ARMC10: variants seen among roughly 807,000 people sequenced by gnomAD.
ARMC10 encodes armadillo repeat containing 10.
In ARMC10, 23 loss-of-function variants were observed where a neutral mutation model predicts 30.2. The observed-to-expected ratio is 0.76, with a 90% CI of 0.55 to 1.08. The LOEUF (loss-of-function observed/expected upper bound fraction) is 1.08. Among genes scored for constraint, ARMC10 ranks in the 50% least tolerant of loss-of-function variants. The probability of loss-of-function intolerance (pLI) is 0.00; values close to 1 mark genes in which losing one functional copy is unlikely to be tolerated. For missense variants in ARMC10, 303 were observed against 413.7 expected, an observed-to-expected ratio of 0.73 and a Z score of 2.32; for synonymous variants, 111 against 164.4, an observed-to-expected ratio of 0.68 and a Z score of 2.48.
At chr7:103,092,729 C>A in intron 5 of ARMC10, 76 bp downstream of exon 5, 1 of 1,082,336 alleles carries the variant, frequency 9.2e-7, no homozygotes, top group Non-Finnish European at 1.3e-6. Flanking sequence ...GTTGATGTGC[C>A]TCAAAGAGGA....
intron 6 of ARMC10, 33 bp downstream of exon 6, chr7:103,097,381 A>G: frequency 7.2e-7 from 1 of 1,393,794 alleles, no homozygotes; most frequent in Non-Finnish European, 1.0e-6. Flanking sequence ...TTGTAAATAT[A>G]CACATATATA....
intron 2 of ARMC10, among the ~76,000 whole-genome samples, chr7:103,080,114 A>G (rs1800245027): frequency 6.6e-6 from 1 of 152,240 alleles, no homozygotes; most frequent in Admixed American, 6.5e-5. Context: ...AAAGTAGAAC[A>G]CATGTTTGAC....
At chr7:103,098,175 TAAATGTGAATTTAAAAATTTTA>T in intron 6 of ARMC10, 102 bp from the exon 7 acceptor site, 2 of 1,086,020 alleles carry the variant, frequency 1.8e-6, no homozygotes, top group Non-Finnish European at 2.4e-6. Flanking sequence ...AGATACATTT[TAAATGTGAATTTAAAAATTTTA>T]AAATGTGAGT....
Position 103,097,168 on chromosome 7 carries a change from G to T in ARMC10, c.706-109G>T, listed in dbSNP as rs878991355. The T allele has an allele frequency of 1.7e-5, 15 of 894,524 alleles. No individual in the cohort carries two copies. In the Admixed American group the frequency reaches 2.6e-4, roughly 15 times the overall value. The allele number at this position is 894,524 out of a possible 1,614,324, so 55.4% of individuals were successfully genotyped here. ...AGTAGAGAGAATTTGAGCCAGGCCTGGAAGCTTAGGCAGGACTTTAACAGG... is the reference window on the plus strand; with the variant it reads ...AGTAGAGAGAATTTGAGCCAGGCCTTGAAGCTTAGGCAGGACTTTAACAGG... On this transcript the variant is annotated intron_variant, in intron 5 of 6. Transcript: ENST00000323716.
chr7:103,081,550 T>C (rs1161589452), intron 2 of ARMC10, among the ~76,000 whole-genome samples: 1 of 152,024 alleles, frequency 6.6e-6, no homozygotes, highest in Admixed American at 6.6e-5. Flanking sequence ...TTTTTTTCTG[T>C]TTTTAGTAGA....
intron 6 of ARMC10, 132 bp from the exon 7 acceptor site, chr7:103,098,167 A>G: frequency 9.6e-7 from 1 of 1,042,284 alleles, no homozygotes; most frequent in Non-Finnish European, 1.3e-6. Flanking sequence ...TTAATGTGAG[A>G]TACATTTTAA....
chr7:103,091,482 G>C (rs988879828), intron 4 of ARMC10, among the ~76,000 whole-genome samples: 1 of 48,018 alleles, frequency 2.1e-5, no homozygotes, highest in East Asian at 6.3e-4. Flanking sequence ...ATTATGAAGG[G>C]GTGAATTATA....
In ARMC10 at chr7:103,083,110, G is replaced by A. The variant is rs11975660; in HGVS notation, c.245-572G>A. 4.6e-3 allele frequency: 2,079 copies of A among 456,664 alleles called. 46 individuals carry two copies. Among genetic ancestry groups the A allele is most frequent in the African/African-American group, 0.039 (1,933 of 50,180 alleles). 28.3% of individuals were successfully genotyped at this position (456,664 alleles called of 1,614,324 possible). On this transcript the variant is annotated intron_variant, in intron 2 of 6. Coordinates refer to ENST00000323716, the MANE Select transcript of ARMC10 (RefSeq NM_031905.5). The stretch of plus-strand genomic sequence containing the variant: ...GTGTACCTCGTTTTTAAAAGGAGAA[G>A]CAAAATGTTATCAGCATTTGAGGTA...
intron 2 of ARMC10, among the ~76,000 whole-genome samples, chr7:103,077,620 A>G (rs1037739915): frequency 2.0e-5 from 3 of 152,160 alleles, no homozygotes; most frequent in Admixed American, 2.0e-4. Context: ...CACCTCTTAA[A>G]GGCCTTACCT....
intron 5 of ARMC10, among the ~76,000 whole-genome samples, chr7:103,093,181 A>C (rs1024992318): frequency 6.6e-6 from 1 of 152,218 alleles, no homozygotes; most frequent in Non-Finnish European, 1.5e-5. Flanking sequence ...TAAATCTCTC[A>C]TATTAGTGTG....
At chr7:103,093,627 C>G (rs1371738939) in intron 5 of ARMC10, among the ~76,000 whole-genome samples, 1 of 152,136 alleles carries the variant, frequency 6.6e-6, no homozygotes, top group Non-Finnish European at 1.5e-5. Flanking sequence ...ATGTCTGTCT[C>G]CAGTGGAACA....
chr7:103,078,268 C>T (rs1008617134), intron 2 of ARMC10, among the ~76,000 whole-genome samples: 9 of 152,184 alleles, frequency 5.9e-5, no homozygotes, highest in South Asian at 2.1e-4. Context: ...CCACTGTGCC[C>T]GGCCCAAATG....
chr7:103,091,491 TA>T (rs1801325205), intron 4 of ARMC10, among the ~76,000 whole-genome samples: 1 of 143,668 alleles, frequency 7.0e-6, no homozygotes, highest in African/African-American at 3.0e-5. Flanking sequence ...GGGTGAATTA[TA>T]TATATATATA....
Position 103,083,066 on chromosome 7 carries a change from G to A in ARMC10, c.245-616G>A, listed in dbSNP as rs28482805. 5.1e-3 allele frequency: 2,320 copies of A among 456,642 alleles called. 46 individuals carry two copies. The highest frequency in any genetic ancestry group is 0.042 in the African/African-American group (2,126 of 50,158). 28.3% of individuals were successfully genotyped at this position (456,642 alleles called of 1,614,324 possible). On this transcript the variant is annotated intron_variant, in intron 2 of 6. Coordinates refer to ENST00000323716, the MANE Select transcript of ARMC10 (RefSeq NM_031905.5). ...TATTTCCTAATTAATCTCTTTATAG[G>A]TAAGTGTTCATTGGATGGGTGTACC...
At chr7:103,079,293 A>G (rs1019806985) in intron 2 of ARMC10, among the ~76,000 whole-genome samples, 3 of 152,198 alleles carry the variant, frequency 2.0e-5, no homozygotes. Context: ...CATAATAAAA[A>G]GGCATTAAAA....
Position 103,087,885 on chromosome 7 carries a change from C to G in ARMC10, c.528+1121C>G, listed in dbSNP as rs1800994644. 5.4e-6 allele frequency: 3 copies of G among 559,580 alleles called. No homozygotes were observed. In the South Asian group the frequency reaches 2.4e-4, roughly 44 times the overall value. 34.7% of individuals were successfully genotyped at this position (559,580 alleles called of 1,614,324 possible). On this transcript the variant is annotated intron_variant, in intron 4 of 6. Transcript: ENST00000323716. ...AATTACAGATTACTATGCTATGAAGCAAAAGCAGACCATTCTTAATGTATC... is the reference window on the plus strand; with the variant it reads ...AATTACAGATTACTATGCTATGAAGGAAAAGCAGACCATTCTTAATGTATC...
intron 5 of ARMC10, chr7:103,096,714 T>TC (rs1480432058): frequency 6.5e-6 from 1 of 153,332 alleles, no homozygotes; most frequent in African/African-American, 2.4e-5. Context: ...CAAGAGATCC[T>TC]CCCCCGCTCA....
At chr7:103,086,790 T>A in intron 4 of ARMC10, 26 bp downstream of exon 4, 1 of 1,589,782 alleles carries the variant, frequency 6.3e-7, no homozygotes, top group Non-Finnish European at 8.5e-7. Context: ...ATCACAAATG[T>A]ATAAGGTTTT....
At chr7:103,075,558 C>T (rs1218189417) in intron 1 of ARMC10, 147 bp downstream of exon 1, 3 of 1,011,036 alleles carry the variant, frequency 3.0e-6, no homozygotes, top group African/African-American at 1.6e-5. Flanking sequence ...GGTGCTGCGC[C>T]GCCCCCGCCG....
Sources: allele counts gnomAD v4.1 joint callset (sites outside exome capture counted in the v4.1 genomes callset), GRCh38; gene constraint gnomAD v4.1.1; transcripts MANE v1.5; gene names NCBI Gene and HGNC (gene_info 2026-07-23, HGNC 2026-07-21).